TRDN: variants seen among roughly 807,000 people sequenced by gnomAD.
TRDN encodes triadin, also known as triadin in skeletal muscle.
A neutral mutation model predicts 149.7 loss-of-function variants in TRDN; 161 were observed. The ratio of observed to expected loss-of-function variants is 1.08; its 90% CI spans 0.95 to 1.23. The LOEUF (loss-of-function observed/expected upper bound fraction) is 1.23. Ranked by LOEUF, TRDN falls within the 50% of genes most tolerant of loss-of-function variation. The pLI is 0.00. For missense variants in TRDN, 896 were observed against 823.5 expected, an observed-to-expected ratio of 1.09 and a Z score of -1.08; for synonymous variants, 294 against 250.5, an observed-to-expected ratio of 1.17 and a Z score of -1.64.
intron 21 of TRDN, among the ~76,000 whole-genome samples, chr6:123,344,454 T>C (rs1263018479): frequency 6.6e-6 from 1 of 152,004 alleles, no homozygotes; most frequent in African/African-American, 2.4e-5. Context: ...CCCCAAACCC[T>C]AGTAACCACT....
chr6:123,414,253 T>A (rs1455890179), intron 12 of TRDN, among the ~76,000 whole-genome samples: 1 of 152,128 alleles, frequency 6.6e-6, no homozygotes, highest in Non-Finnish European at 1.5e-5. Flanking sequence ...ATCCTTTCTA[T>A]TGAGATTTTT....
intron 24 of TRDN, among the ~76,000 whole-genome samples, chr6:123,293,117 C>T (rs1422740137): frequency 6.6e-6 from 1 of 152,110 alleles, no homozygotes; most frequent in Non-Finnish European, 1.5e-5. Flanking sequence ...GATTTTTCAT[C>T]AACATTCCCA....
chr6:123,313,822 C>G (rs768398475), intron 24 of TRDN, among the ~76,000 whole-genome samples: 1 of 152,030 alleles, frequency 6.6e-6, no homozygotes, highest in Non-Finnish European at 1.5e-5. Flanking sequence ...TGGACCCCTT[C>G]TTTAGACCAT....
intron 27 of TRDN, 122 bp downstream of exon 27, chr6:123,274,519 A>G (rs546908022): frequency 2.5e-5 from 21 of 833,462 alleles, no homozygotes; most frequent in African/African-American, 2.5e-4. Flanking sequence ...GGAGTTGACA[A>G]AATAATGAGG....
At chr6:123,535,164 A>G (rs191808449) in intron 4 of TRDN, among the ~76,000 whole-genome samples, 76 of 152,260 alleles carry the variant, frequency 5.0e-4, no homozygotes, top group African/African-American at 1.8e-3. Context: ...AAGAAGGGAA[A>G]AAGACACGGA....
At position 123,433,147 on chromosome 6, in the gene TRDN, TATATATATATATATA is replaced by T. The variant is rs1262309375; in HGVS notation, c.1051+4901_1051+4915del. 0.014 allele frequency among the ~76,000 whole-genome samples: 799 copies of T among 57,286 alleles called. 52 individuals are homozygous for T. In the East Asian group the frequency reaches 0.31, roughly 22 times the overall value. The allele number at this position is 57,286 out of a possible 152,430, so 37.6% of individuals were successfully genotyped here. ...CCCCTTCCCCCACACATCATAAATATATATATATATATATAATATATATATATATATATATACATC... is the reference window on the plus strand; with the variant it reads ...CCCCTTCCCCCACACATCATAAATATATATATATATATATATATATACATC... On this transcript the variant is annotated intron_variant, in intron 12 of 40. Coordinates refer to ENST00000334268, the MANE Select transcript of TRDN (RefSeq NM_006073.4).
intron 21 of TRDN, chr6:123,352,275 C>A (rs1780488778): frequency 7.1e-6 from 7 of 985,014 alleles, no homozygotes; most frequent in Non-Finnish European, 7.2e-6. Context: ...TCCCAGCAAT[C>A]TTCAGCATGT....
chr6:123,279,710 A>G (rs942882661), intron 24 of TRDN, among the ~76,000 whole-genome samples: 2 of 151,842 alleles, frequency 1.3e-5, no homozygotes, highest in African/African-American at 4.8e-5. Flanking sequence ...CCAATTTCCC[A>G]TTACTTTCCA....
At chr6:123,395,749 T>A (rs992664456) in intron 12 of TRDN, among the ~76,000 whole-genome samples, 1 of 152,116 alleles carries the variant, frequency 6.6e-6, no homozygotes, top group Non-Finnish European at 1.5e-5. Context: ...TGGAGGAAAA[T>A]CTCGGGATCA....
intron 12 of TRDN, among the ~76,000 whole-genome samples, chr6:123,419,547 A>T (rs1354677289): frequency 6.6e-6 from 1 of 151,728 alleles, no homozygotes; most frequent in East Asian, 1.9e-4. Flanking sequence ...TTAATTTTTT[A>T]ATTGTTTATA....
intron 5 of TRDN, among the ~76,000 whole-genome samples, chr6:123,522,546 T>C (rs1308042340): frequency 2.0e-5 from 3 of 149,278 alleles, no homozygotes; most frequent in Non-Finnish European, 4.5e-5. Context: ...TTTTGCATTT[T>C]CCAAATCATC....
At chr6:123,276,069 C>A (rs185929742) in intron 26 of TRDN, among the ~76,000 whole-genome samples, 4 of 152,044 alleles carry the variant, frequency 2.6e-5, no homozygotes, top group Non-Finnish European at 5.9e-5. Context: ...GAACACTGCA[C>A]GGAGCCTCTT....
At chr6:123,461,089 C>G (rs977626201) in intron 10 of TRDN, among the ~76,000 whole-genome samples, 9 of 152,104 alleles carry the variant, frequency 5.9e-5, no homozygotes, top group African/African-American at 2.2e-4. Flanking sequence ...CAGTTTATTA[C>G]CAATCTACCA....
At chr6:123,357,494 A>G (rs1167136514) in intron 20 of TRDN, among the ~76,000 whole-genome samples, 1 of 152,052 alleles carries the variant, frequency 6.6e-6, no homozygotes, top group Non-Finnish European at 1.5e-5. Context: ...AGAGAATAGG[A>G]CCAAATGCAG....
chr6:123,277,153 A>T (rs1194239542), intron 26 of TRDN, among the ~76,000 whole-genome samples: 1 of 152,192 alleles, frequency 6.6e-6, no homozygotes, highest in East Asian at 1.9e-4. Flanking sequence ...TCACAGGTTC[A>T]AAAAGAGAAG....
Position 123,438,130 on chromosome 6 carries a change from T to G in TRDN, c.992-8A>C. Reference sequence around the variant, plus strand: ...TTTTGATATCTTCTTTTTCTGCTGGTAAAATAAGAAAGTTATAAGCCTTTA... The same window carrying G: ...TTTTGATATCTTCTTTTTCTGCTGGGAAAATAAGAAAGTTATAAGCCTTTA... On this transcript the variant is annotated splice_region_variant and splice_polypyrimidine_tract_variant and intron_variant, in intron 11 of 40. Coordinates refer to ENST00000334268, the MANE Select transcript of TRDN (RefSeq NM_006073.4). 6.3e-7 allele frequency: 1 copy of G among 1,575,370 alleles called. No individual in the cohort carries two copies. The highest frequency in any genetic ancestry group is 1.4e-5 in the African/African-American group (1 of 73,438).
At chr6:123,585,050 G>GCA (rs1265486164) in intron 1 of TRDN, among the ~76,000 whole-genome samples, 17,629 of 150,322 alleles carry the variant, frequency 0.12, 1,135 homozygotes, top group African/African-American at 0.17. Flanking sequence ...GGCATTGATT[G>GCA]GAGTAAGGGT....
intron 21 of TRDN, 129 bp downstream of exon 21, chr6:123,352,410 G>T (rs1780495530): frequency 2.1e-6 from 3 of 1,415,820 alleles, no homozygotes; most frequent in Non-Finnish European, 2.8e-6. Flanking sequence ...AGAAAAACAT[G>T]CAAGGACAGT....
intron 1 of TRDN, among the ~76,000 whole-genome samples, chr6:123,620,564 G>T (rs1396186879): frequency 6.6e-6 from 1 of 152,062 alleles, no homozygotes; most frequent in Non-Finnish European, 1.5e-5. Context: ...GTTTTTGGAG[G>T]TAATACAATA....
Sources: gnomAD v4.1 joint callset for allele counts (sites outside exome capture counted in the v4.1 genomes callset) on GRCh38, gnomAD v4.1.1 for gene constraint, MANE v1.5 for transcripts, NCBI Gene and HGNC (gene_info 2026-07-23, HGNC 2026-07-21) for gene names.